RGL1: variants seen among roughly 807,000 people sequenced by gnomAD.
RGL1 encodes the protein ral guanine nucleotide dissociation stimulator-like 1.
Under a neutral mutation model 95.2 loss-of-function variants are expected in RGL1, and 24 were observed. That is an observed-to-expected ratio of 0.25 (90% confidence interval 0.18 to 0.35). The LOEUF (loss-of-function observed/expected upper bound fraction) is 0.35. Ranked by LOEUF, RGL1 falls within the 10% of genes least tolerant of loss-of-function variation. RGL1 has a pLI of 1.00. For synonymous variants in RGL1, 329 were observed against 344.9 expected (o/e 0.95, Z 0.51); for missense variants, 715 against 936.3 (o/e 0.76, Z 3.08).
chr1:183,827,610 G>A (rs565620720), intron 2 of RGL1, among the ~76,000 whole-genome samples: 54 of 152,354 alleles, frequency 3.5e-4, no homozygotes, highest in African/African-American at 1.2e-3. Context: ...TTAAGGTATA[G>A]CTGCAAAGCA....
chr1:183,773,076 T>C (rs897413552), intron 2 of RGL1, among the ~76,000 whole-genome samples: 3 of 143,886 alleles, frequency 2.1e-5, no homozygotes, highest in Admixed American at 2.1e-4. Flanking sequence ...ATAATCCCAA[T>C]GCCTTTGTAC....
At position 183,861,140 on chromosome 1, in the gene RGL1, C is replaced by A. The variant is rs542908634; in HGVS notation, c.348-4856C>A. Reference sequence around the variant, plus strand: ...TTATAGGAGAACTAAACCAAGCCAGCATGTAAAGCCCTTAGCACAGTACCT... The same window carrying A: ...TTATAGGAGAACTAAACCAAGCCAGAATGTAAAGCCCTTAGCACAGTACCT... On this transcript the variant is annotated intron_variant, in intron 3 of 17. Transcript: ENST00000360851. 2.0e-5 allele frequency among the ~76,000 whole-genome samples: 3 copies of A among 152,270 alleles called. No homozygotes were observed. The East Asian group carries it at 5.8e-4, about 29-fold the overall frequency.
chr1:183,906,106 T>C (rs1289143399), intron 13 of RGL1, among the ~76,000 whole-genome samples: 1 of 151,602 alleles, frequency 6.6e-6, no homozygotes, highest in Non-Finnish European at 1.5e-5. Flanking sequence ...GCAAAATAAG[T>C]ATTTACAAAA....
chr1:183,698,378 T>C (rs1224170432), intron 1 of RGL1, among the ~76,000 whole-genome samples: 1 of 152,236 alleles, frequency 6.6e-6, no homozygotes, highest in Non-Finnish European at 1.5e-5. Flanking sequence ...TTGTAAAGAA[T>C]TTCCTGCATT....
At chr1:183,779,796 C>CTT (rs879499823) in intron 2 of RGL1, among the ~76,000 whole-genome samples, 1 of 146,388 alleles carries the variant, frequency 6.8e-6, no homozygotes. Context: ...AAATTTGTAT[C>CTT]TTTTTTTTTT....
intron 1 of RGL1, chr1:183,648,846 C>A (rs551756459): frequency 8.9e-6 from 12 of 1,350,304 alleles, no homozygotes; most frequent in Non-Finnish European, 1.2e-5. Flanking sequence ...ATAAAACCAG[C>A]GCAGGAAAAA....
chr1:183,685,172 T>G (rs1653495001), intron 1 of RGL1, among the ~76,000 whole-genome samples: 2 of 152,228 alleles, frequency 1.3e-5, no homozygotes, highest in South Asian at 2.1e-4. Flanking sequence ...TTTTTCCTAT[T>G]TAAAATGCTT....
At chr1:183,726,861 A>G (rs1656339955) in intron 1 of RGL1, among the ~76,000 whole-genome samples, 1 of 152,166 alleles carries the variant, frequency 6.6e-6, no homozygotes. Context: ...AAATGCTCCA[A>G]TGAGCATGTT....
At chr1:183,652,250 G>A (rs3889890) in intron 1 of RGL1, among the ~76,000 whole-genome samples, 4 of 152,086 alleles carry the variant, frequency 2.6e-5, no homozygotes, top group African/African-American at 7.2e-5. Flanking sequence ...TTCTAAGCAC[G>A]CCTTCCTTTG....
chr1:183,873,772 G>A (rs575341023), intron 4 of RGL1, among the ~76,000 whole-genome samples: 1 of 152,278 alleles, frequency 6.6e-6, no homozygotes, highest in Non-Finnish European at 1.5e-5. Flanking sequence ...TGAACACCCT[G>A]AGCAAGGTTC....
intron 2 of RGL1, among the ~76,000 whole-genome samples, chr1:183,781,261 A>G (rs886649478): frequency 6.6e-6 from 1 of 152,030 alleles, no homozygotes; most frequent in Non-Finnish European, 1.5e-5. Context: ...CACAGTAAAC[A>G]TTTTTTTGGA....
intron 1 of RGL1, among the ~76,000 whole-genome samples, chr1:183,740,408 A>T (rs972462469): frequency 1.3e-5 from 2 of 152,212 alleles, no homozygotes; most frequent in African/African-American, 2.4e-5. Flanking sequence ...TCCATGGCTT[A>T]CAGATGGAGC....
intron 2 of RGL1, among the ~76,000 whole-genome samples, chr1:183,744,351 G>A (rs1028303252): frequency 2.6e-5 from 4 of 151,674 alleles, no homozygotes; most frequent in Non-Finnish European, 5.9e-5. Flanking sequence ...TCCACAGGTG[G>A]TAGATGAAGT....
intron 1 of RGL1, among the ~76,000 whole-genome samples, chr1:183,645,541 C>T (rs913858514): frequency 6.6e-6 from 1 of 152,154 alleles, no homozygotes; most frequent in Non-Finnish European, 1.5e-5. Flanking sequence ...GATATTCTTC[C>T]ATATCACCAT....
chr1:183,876,243 G>T (rs1558265149), intron 4 of RGL1, among the ~76,000 whole-genome samples: 1 of 152,252 alleles, frequency 6.6e-6, no homozygotes, highest in South Asian at 2.1e-4. Context: ...ATTGGTGAAT[G>T]AATTTCTTAG....
intron 2 of RGL1, among the ~76,000 whole-genome samples, chr1:183,770,667 T>C (rs1352263325): frequency 6.6e-6 from 1 of 152,058 alleles, no homozygotes; most frequent in Non-Finnish European, 1.5e-5. Flanking sequence ...AAAGGAGTAG[T>C]TGGGCAACAG....
chr1:183,755,879 C>T (rs1179266181), intron 2 of RGL1, among the ~76,000 whole-genome samples: 1 of 149,886 alleles, frequency 6.7e-6, no homozygotes, highest in Non-Finnish European at 1.5e-5. Context: ...TAGTTGAGTT[C>T]ATTCTTTTTT....
intron 2 of RGL1, among the ~76,000 whole-genome samples, chr1:183,770,886 C>T (rs1659240119): frequency 6.6e-6 from 1 of 152,140 alleles, no homozygotes; most frequent in Non-Finnish European, 1.5e-5. Context: ...CCATAAAGAT[C>T]AGTTCTATGA....
chr1:183,636,634 A>G (rs1383624287), intron 1 of RGL1: 1 of 153,982 alleles, frequency 6.5e-6, no homozygotes, highest in Non-Finnish European at 1.4e-5. Flanking sequence ...TTGGAGCAAG[A>G]ATGCTCGAAA....
Sources: gnomAD v4.1 joint callset for allele counts (sites outside exome capture counted in the v4.1 genomes callset) on GRCh38, gnomAD v4.1.1 for gene constraint, MANE v1.5 for transcripts, NCBI Gene and HGNC (gene_info 2026-07-23, HGNC 2026-07-21) for gene names.